The following PELI1 variants were observed in gnomAD, a reference collection of about 807,000 sequenced individuals.
PELI1 encodes the protein pellino E3 ubiquitin protein ligase 1.
A neutral mutation model predicts 41.3 loss-of-function variants in PELI1; 15 were observed. The observed-to-expected ratio is 0.36, with a 90% CI of 0.24 to 0.56. The LOEUF is 0.56. Among genes scored for constraint, PELI1 ranks in the 20% least tolerant of loss-of-function variants. The pLI, the probability that PELI1 is intolerant of heterozygous loss-of-function variation, is 0.82. For synonymous variants in PELI1, 178 were observed against 180.1 expected (o/e 0.99, Z 0.09); for missense variants, 403 against 525.5 (o/e 0.77, Z 2.28).
At chr2:64,133,135 A>C (rs961285953) in intron 1 of PELI1, among the ~76,000 whole-genome samples, 1 of 152,200 alleles carries the variant, frequency 6.6e-6, no homozygotes, top group African/African-American at 2.4e-5. Context: ...TTAGAACTTA[A>C]AATGAGTTTC....
In PELI1 at chr2:64,144,340, G is replaced by A. The variant is rs1682036772; in HGVS notation, c.-329C>T. On this transcript the variant is annotated 5_prime_UTR_variant, in exon 1 of 7. Transcript: ENST00000358912. Reference sequence around the variant, plus strand: ...CCAATTCGACCGCACCGCGGGACTAGGGCTGCTGCCGCTGCTGCTAGTGGA... The same window carrying A: ...CCAATTCGACCGCACCGCGGGACTAAGGCTGCTGCCGCTGCTGCTAGTGGA... 1 of 152,388 alleles carries A rather than the reference G, an allele frequency of 6.6e-6. No homozygotes were observed. Among genetic ancestry groups the A allele is most frequent in the African/African-American group, 2.4e-5 (1 of 41,436 alleles). 9.4% of individuals were successfully genotyped at this position (152,388 alleles called of 1,614,324 possible). A position where few individuals can be genotyped will look rare whatever the true frequency, so the allele number is the denominator to read the frequency against.
chr2:64,135,489 A>G (rs1681687794), intron 1 of PELI1, among the ~76,000 whole-genome samples: 2 of 152,164 alleles, frequency 1.3e-5, no homozygotes, highest in Admixed American at 1.3e-4. Flanking sequence ...ATTCATTCCA[A>G]GTCTACTTTA....
At chr2:64,140,800 C>CAAAAAAAAAAAAAAAAAAA (rs1356897512) in intron 1 of PELI1, among the ~76,000 whole-genome samples, 1 of 100,280 alleles carries the variant, frequency 1.0e-5, no homozygotes. Flanking sequence ...AAAAAAAAAA[C>CAAAAAAAAAAAAAAAAAAA]AAACAAACAA....
chr2:64,093,356 GTCTAA>G lies in PELI1; in HGVS notation c.*1341_*1345del, dbSNP rs1680115800. 6.5e-6 allele frequency: 1 copy of G among 152,706 alleles called. No individual in the cohort carries two copies. Among genetic ancestry groups the G allele is most frequent in the Non-Finnish European group, 1.5e-5 (1 of 68,026 alleles). 9.5% of individuals were successfully genotyped at this position (152,706 alleles called of 1,614,324 possible). On this transcript the variant is annotated 3_prime_UTR_variant, in exon 7 of 7. Coordinates refer to ENST00000358912, the MANE Select transcript of PELI1 (RefSeq NM_020651.4). ...AATCAAAATATTAAAAGAAGATACT[GTCTAA>G]TCTAAAAGTGTACTGGTTTCTACAA... is the stretch of plus-strand genomic sequence containing the variant.
In PELI1 at chr2:64,144,091, C is replaced by G. The variant is rs1682023060; in HGVS notation, c.-80G>C. The G allele has an allele frequency of 6.6e-6, 1 of 151,948 alleles. No individual in the cohort carries two copies. The highest frequency in any genetic ancestry group is 2.4e-5 in the African/African-American group (1 of 41,396). 9.4% of individuals were successfully genotyped at this position (151,948 alleles called of 1,614,324 possible). On this transcript the variant is annotated 5_prime_UTR_variant, in exon 1 of 7. Transcript: ENST00000358912. ...CGCGGTCACACTTACCGGACAATTG[C>G]TGGTGGCCGGGATCCCAGAGCGGCC... is the stretch of plus-strand genomic sequence containing the variant.
In PELI1 at chr2:64,108,233, A is replaced by C. The variant is rs1210236972; in HGVS notation, c.71+7T>G. ...ACTGTGTGTGTCATCAAATGGAGAA[A>C]CCTTACCCTAAGACAATGAGTTCAC... is the stretch of plus-strand genomic sequence containing the variant. On this transcript the variant is annotated splice_region_variant and intron_variant, in intron 2 of 6. Coordinates refer to ENST00000358912, the MANE Select transcript of PELI1 (RefSeq NM_020651.4). 6.6e-7 allele frequency: 1 copy of C among 1,506,284 alleles called. No homozygotes were observed. The highest frequency in any genetic ancestry group is 1.1e-5 in the South Asian group (1 of 88,248). The allele number at this position is 1,506,284 out of a possible 1,614,324, so 93.3% of individuals were successfully genotyped here.
chr2:64,097,745 T>C (rs1680292458), intron 4 of PELI1, among the ~76,000 whole-genome samples: 1 of 152,240 alleles, frequency 6.6e-6, no homozygotes, highest in Admixed American at 6.5e-5. Flanking sequence ...AGTCATTCTT[T>C]ACATATTTTA....
intron 1 of PELI1, among the ~76,000 whole-genome samples, chr2:64,109,699 A>G (rs1680742305): frequency 6.6e-6 from 1 of 152,100 alleles, no homozygotes; most frequent in Non-Finnish European, 1.5e-5. Context: ...AACAGAAACA[A>G]AAACAAAAAC....
intron 1 of PELI1, chr2:64,143,232 C>A (rs1681970873): frequency 1.3e-5 from 2 of 152,158 alleles, no homozygotes. Flanking sequence ...TTTCCCTACT[C>A]GGAGCATTTT....
chr2:64,118,612 C>G (rs1165189689), intron 1 of PELI1, among the ~76,000 whole-genome samples: 1 of 152,086 alleles, frequency 6.6e-6, no homozygotes, highest in Non-Finnish European at 1.5e-5. Context: ...ATTATCAGAC[C>G]TAAAATTATT....
At chr2:64,104,283 C>T (rs776474858) in intron 3 of PELI1, among the ~76,000 whole-genome samples, 3 of 152,088 alleles carry the variant, frequency 2.0e-5, no homozygotes, top group Non-Finnish European at 2.9e-5. Flanking sequence ...ATTACCTCAT[C>T]CAAATGTGCT....
Position 64,108,399 on chromosome 2 carries a change from A to G in PELI1, c.-69-20T>C. 1.3e-6 allele frequency: 1 copy of G among 777,518 alleles called. No homozygotes were observed. The highest frequency in any genetic ancestry group is 2.3e-6 in the Non-Finnish European group (1 of 440,464). The allele number at this position is 777,518 out of a possible 1,614,324, so 48.2% of individuals were successfully genotyped here. A position where few individuals can be genotyped will look rare whatever the true frequency, so the allele number is the denominator to read the frequency against. ...TATTTCCTAGAGGGGAAAAGTTTTC[A>G]TTAATAATGTGAACAATTCGTTTCA... is the stretch of plus-strand genomic sequence containing the variant. On this transcript the variant is annotated intron_variant, in intron 1 of 6. Coordinates refer to ENST00000358912, the MANE Select transcript of PELI1 (RefSeq NM_020651.4).
At chr2:64,118,617 A>G (rs1456603505) in intron 1 of PELI1, among the ~76,000 whole-genome samples, 1 of 152,232 alleles carries the variant, frequency 6.6e-6, no homozygotes, top group Non-Finnish European at 1.5e-5. Flanking sequence ...CAGACCTAAA[A>G]TTATTAAATC....
At chr2:64,120,857 T>C (rs1448685558) in intron 1 of PELI1, among the ~76,000 whole-genome samples, 1 of 152,182 alleles carries the variant, frequency 6.6e-6, no homozygotes, top group Non-Finnish European at 1.5e-5. Context: ...TTACAATGTG[T>C]CCACAGGACA....
chr2:64,101,903 C>G (rs1576072518), intron 3 of PELI1, among the ~76,000 whole-genome samples: 1 of 148,462 alleles, frequency 6.7e-6, no homozygotes, highest in African/African-American at 2.5e-5. Context: ...TCTCGGCTCA[C>G]TGTAACCTCC....
rs28464906 is a variant in PELI1 at position 64,139,944 on chromosome 2, A to G, written c.-70+4137T>C. On this transcript the variant is annotated intron_variant, in intron 1 of 6. Coordinates refer to ENST00000358912, the MANE Select transcript of PELI1 (RefSeq NM_020651.4). ...CTTTAGCCCCCTTCAAAAGTGTACTATCCCTAAAACAGATTTCATTGCACC... is the reference window on the plus strand; with the variant it reads ...CTTTAGCCCCCTTCAAAAGTGTACTGTCCCTAAAACAGATTTCATTGCACC... Among the ~76,000 whole-genome samples, 1,473 of 152,344 alleles carry G rather than the reference A, an allele frequency of 9.7e-3. 25 individuals carry two copies. The highest frequency in any genetic ancestry group is 0.033 in the African/African-American group (1,367 of 41,578).
intron 1 of PELI1, among the ~76,000 whole-genome samples, chr2:64,124,492 T>C (rs1250343430): frequency 2.0e-5 from 3 of 152,212 alleles, no homozygotes; most frequent in Non-Finnish European, 4.4e-5. Flanking sequence ...TGTTAACTCC[T>C]ACTTCTTGGC....
intron 4 of PELI1, among the ~76,000 whole-genome samples, chr2:64,099,585 T>C (rs1055844178): frequency 6.6e-6 from 1 of 152,222 alleles, no homozygotes; most frequent in African/African-American, 2.4e-5. Flanking sequence ...TATTTCACTA[T>C]TGACTGAAAT....
In PELI1 at chr2:64,108,350, G is replaced by A. The variant is rs774151267; in HGVS notation, c.-40C>T. ...TTCTCAAATCTTTGTTCACTGGTCA[G>A]GAGCCTTGGGACACCTTTTGCATTA... On this transcript the variant is annotated 5_prime_UTR_variant, in exon 2 of 7. Coordinates refer to ENST00000358912, the MANE Select transcript of PELI1 (RefSeq NM_020651.4). 3.3e-6 allele frequency: 4 copies of A among 1,215,510 alleles called. No individual in the cohort carries two copies. Among genetic ancestry groups the A allele is most frequent in the Non-Finnish European group, 4.9e-6 (4 of 819,570 alleles). 75.3% of individuals were successfully genotyped at this position (1,215,510 alleles called of 1,614,324 possible). A position where few individuals can be genotyped will look rare whatever the true frequency, so the allele number is the denominator to read the frequency against.
Sources: allele counts gnomAD v4.1 joint callset (sites outside exome capture counted in the v4.1 genomes callset), GRCh38; gene constraint gnomAD v4.1.1; transcripts MANE v1.5; gene names NCBI Gene and HGNC (gene_info 2026-07-23, HGNC 2026-07-21).